DDC: variants seen among roughly 807,000 people sequenced by gnomAD.
The protein encoded by DDC is aromatic-L-amino-acid decarboxylase.
A neutral mutation model predicts 60.0 loss-of-function variants in DDC; 43 were observed. The observed-to-expected ratio is 0.72, with a 90% CI of 0.56 to 0.92. The LOEUF (loss-of-function observed/expected upper bound fraction) is 0.92. Among genes scored for constraint, DDC ranks in the 40% least tolerant of loss-of-function variants. The pLI, the probability that DDC is intolerant of heterozygous loss-of-function variation, is 0.00. For synonymous variants in DDC, 232 were observed against 234.6 expected (o/e 0.99, Z 0.10); for missense variants, 573 against 620.2 (o/e 0.92, Z 0.81).
intron 11 of DDC, among the ~76,000 whole-genome samples, chr7:50,473,569 C>A (rs957280827): frequency 9.2e-5 from 14 of 152,250 alleles, no homozygotes; most frequent in African/African-American, 2.9e-4. Context: ...CACAGCAGCA[C>A]AGAAGGCCAA....
intron 1 of DDC, among the ~76,000 whole-genome samples, chr7:50,559,927 T>A (rs1016616582): frequency 1.3e-5 from 2 of 152,214 alleles, no homozygotes; most frequent in Non-Finnish European, 2.9e-5. Flanking sequence ...GGGGATTTAT[T>A]TTAATTATTT....
chr7:50,494,205 A>T (rs1472722272), intron 9 of DDC, among the ~76,000 whole-genome samples: 1 of 152,184 alleles, frequency 6.6e-6, no homozygotes, highest in Non-Finnish European at 1.5e-5. Flanking sequence ...AGGTATTATC[A>T]TGCTGTTATT....
intron 6 of DDC, among the ~76,000 whole-genome samples, chr7:50,506,195 C>A (rs1006810220): frequency 6.6e-6 from 1 of 152,134 alleles, no homozygotes; most frequent in South Asian, 2.1e-4. Flanking sequence ...TGGTACCTAG[C>A]CCTTGAGTGG....
intron 4 of DDC, among the ~76,000 whole-genome samples, chr7:50,534,387 A>G (rs1310693125): frequency 6.6e-6 from 1 of 152,200 alleles, no homozygotes; most frequent in Non-Finnish European, 1.5e-5. Flanking sequence ...ACCTGAGGTC[A>G]GGAGTTTGAG....
chr7:50,484,822 C>T (rs932655448), intron 9 of DDC, among the ~76,000 whole-genome samples: 13 of 152,148 alleles, frequency 8.5e-5, no homozygotes, highest in African/African-American at 1.2e-4. Context: ...TGGCTCCTTA[C>T]GTTTTCTTTT....
At chr7:50,510,668 C>CAAAA (rs71018473) in intron 6 of DDC, among the ~76,000 whole-genome samples, 1 of 99,676 alleles carries the variant, frequency 1.0e-5, no homozygotes, top group African/African-American at 3.9e-5. Flanking sequence ...GACTCCATCT[C>CAAAA]AAAAAAAAAA....
intron 6 of DDC, among the ~76,000 whole-genome samples, chr7:50,521,815 C>T (rs1218200679): frequency 1.3e-5 from 2 of 152,136 alleles, no homozygotes; most frequent in Non-Finnish European, 2.9e-5. Flanking sequence ...GAAAAACCTA[C>T]TCTTAACATC....
chr7:50,461,635 G>T lies in DDC; in HGVS notation c.*18+1578C>A, dbSNP rs2242040. Among the ~76,000 whole-genome samples the T allele has an allele frequency of 3.3e-3, 500 of 152,310 alleles. 10 individuals are homozygous for T. The East Asian group carries it at 0.047, about 14-fold the overall frequency. On this transcript the variant is annotated intron_variant, in intron 14 of 14. Coordinates refer to ENST00000444124, the MANE Select transcript of DDC (RefSeq NM_001082971.2). ...ATGCTTATGAGACAGATGCAAACGT[G>T]GGGTTGCAGAAATGCGAGTCGGGAG...
At chr7:50,511,050 T>TACAC (rs1491491034) in intron 6 of DDC, among the ~76,000 whole-genome samples, 2 of 39,010 alleles carry the variant, frequency 5.1e-5, no homozygotes, top group Non-Finnish European at 1.4e-4. Context: ...AGGATATATC[T>TACAC]ATACACACAC....
At chr7:50,543,546 C>A in intron 2 of DDC, 1 of 373,256 alleles carries the variant, frequency 2.7e-6, no homozygotes, top group Non-Finnish European at 5.1e-6. Flanking sequence ...AAAGCAGCCA[C>A]CAGTGTCTTG....
chr7:50,526,914 T>C (rs1355082011), intron 6 of DDC, among the ~76,000 whole-genome samples: 1 of 152,194 alleles, frequency 6.6e-6, no homozygotes, highest in Non-Finnish European at 1.5e-5. Context: ...ACCAGGGAGA[T>C]ATGACAATTC....
intron 7 of DDC, among the ~76,000 whole-genome samples, chr7:50,502,538 G>A (rs548761155): frequency 2.0e-5 from 3 of 152,374 alleles, no homozygotes; most frequent in East Asian, 1.9e-4. Context: ...ATGAAGGTTT[G>A]CAGCTGATGA....
chr7:50,501,360 CA>C (rs1444068623), intron 7 of DDC, among the ~76,000 whole-genome samples: 2 of 152,220 alleles, frequency 1.3e-5, no homozygotes, highest in African/African-American at 4.8e-5. Context: ...CCCACTTCCC[CA>C]TCGGCAACCT....
intron 11 of DDC, 78 bp downstream of exon 11, chr7:50,476,546 A>T: frequency 7.9e-7 from 1 of 1,273,602 alleles, no homozygotes; most frequent in Non-Finnish European, 1.1e-6. Flanking sequence ...AGAGTGGGGG[A>T]GGAGATGTGT....
intron 9 of DDC, among the ~76,000 whole-genome samples, chr7:50,493,479 A>C (rs960326172): frequency 6.6e-6 from 1 of 152,172 alleles, no homozygotes; most frequent in Non-Finnish European, 1.5e-5. Flanking sequence ...CAGCCACCTT[A>C]GAGGATTTTC....
intron 9 of DDC, among the ~76,000 whole-genome samples, chr7:50,483,687 G>A (rs917685886): frequency 6.6e-6 from 1 of 152,102 alleles, no homozygotes; most frequent in African/African-American, 2.4e-5. Context: ...AGGATCACGA[G>A]GTCAGGAGAT....
At chr7:50,512,945 T>C (rs1305156452) in intron 6 of DDC, among the ~76,000 whole-genome samples, 1 of 152,132 alleles carries the variant, frequency 6.6e-6, no homozygotes, top group Non-Finnish European at 1.5e-5. Flanking sequence ...AACCTTACAT[T>C]TATACCTAAG....
rs2042327322 is a variant in DDC, at chr7:50,463,375, G to A, written c.1299C>T (p.Ile433=). Residue 433 remains isoleucine, a synonymous_variant, in exon 14 of 15, where the codon ATC becomes ATT. Coordinates refer to ENST00000444124, the MANE Select transcript of DDC (RefSeq NM_001082971.2). ...CCCTGAGGTGACATGGAACCAAGTG[G>A]ATTTTTTTGGCACTGTTTATTCTTT... The part of the protein sequence containing the change: ...LLQRINSAKK[I]HLVPCHLRDK... 5 of 1,614,084 alleles carry A rather than the reference G, an allele frequency of 3.1e-6. No homozygotes were observed. Among genetic ancestry groups the A allele is most frequent in the Admixed American group, 3.3e-5 (2 of 60,014 alleles).
Position 50,473,897 on chromosome 7 carries a change from G to C in DDC, c.1041+2727C>G, listed in dbSNP as rs6944912. On this transcript the variant is annotated intron_variant, in intron 11 of 14. Coordinates refer to ENST00000444124, the MANE Select transcript of DDC (RefSeq NM_001082971.2). The stretch of plus-strand genomic sequence containing the variant: ...TCAGAACAGGCATCAGGGCCTGCGT[G>C]GTCTGCGCCTCTGTCTCCCTCAGTG... Among the ~76,000 whole-genome samples, 197 of 152,388 alleles carry C rather than the reference G, an allele frequency of 1.3e-3. 1 individual carries two copies. Among genetic ancestry groups the C allele is most frequent in the African/African-American group, 4.7e-3 (194 of 41,592 alleles).
Sources: allele counts gnomAD v4.1 joint callset (sites outside exome capture counted in the v4.1 genomes callset), GRCh38; gene constraint gnomAD v4.1.1; transcripts MANE v1.5; gene names NCBI Gene and HGNC (gene_info 2026-07-23, HGNC 2026-07-21).